L1TD1: variants seen among roughly 807,000 people sequenced by gnomAD.
The protein encoded by L1TD1 is LINE-1 type transposase domain-containing protein 1.
In L1TD1, 26 loss-of-function variants were observed where a neutral mutation model predicts 25.7. That is an observed-to-expected ratio of 1.01 (90% CI 0.74 to 1.40). The LOEUF is 1.40. Ranked by LOEUF, L1TD1 falls within the 40% of genes most tolerant of loss-of-function variation. The probability of loss-of-function intolerance (pLI) is 0.00; values close to 1 mark genes in which losing one functional copy is unlikely to be tolerated. For missense variants in L1TD1, 1,130 were observed against 975.0 expected, an observed-to-expected ratio of 1.16 and a Z score of -2.12; for synonymous variants, 421 against 335.6, an observed-to-expected ratio of 1.25 and a Z score of -2.78.
intron 2 of L1TD1, among the ~76,000 whole-genome samples, chr1:62,204,353 A>T (rs148643524): frequency 1.8e-3 from 267 of 152,270 alleles, no homozygotes; most frequent in African/African-American, 6.2e-3. Flanking sequence ...TCCTCAAAGC[A>T]CCACTTTAGC....
Position 62,211,100 on chromosome 1 carries a change from GCTT to G in L1TD1, c.2329_2331del (p.Ser777del). The G allele has an allele frequency of 6.5e-7, 1 of 1,550,238 alleles. No individual in the cohort carries two copies. The highest frequency in any genetic ancestry group is 8.7e-7 in the Non-Finnish European group (1 of 1,146,684). On this transcript the variant is annotated inframe_deletion, in exon 4 of 4. Coordinates refer to ENST00000498273, the MANE Select transcript of L1TD1 (RefSeq NM_019079.5). ...TAGTGATAAAGAGAAAATAATAAGG[GCTT>G]CTAGAGAGAGAAGAGAAATTACCTA...
chr1:62,199,979 C>G (rs1199333133), intron 2 of L1TD1, among the ~76,000 whole-genome samples: 1 of 152,048 alleles, frequency 6.6e-6, no homozygotes, highest in African/African-American at 2.4e-5. Context: ...TATGTGTTTA[C>G]AAAATTGGAT....
intron 3 of L1TD1, among the ~76,000 whole-genome samples, chr1:62,208,724 ATGCCT>A (rs376419324): frequency 9.6e-4 from 146 of 152,160 alleles, no homozygotes; most frequent in African/African-American, 3.3e-3. Flanking sequence ...AGCAGTCTAC[ATGCCT>A]TGGCCTCCCA....
chr1:62,206,240 G>C (rs1004517932), intron 2 of L1TD1, among the ~76,000 whole-genome samples: 5 of 152,144 alleles, frequency 3.3e-5, no homozygotes, highest in African/African-American at 1.2e-4. Context: ...AGAGAACACA[G>C]ACAACAAAGT....
At chr1:62,198,873 T>C (rs1670591864) in intron 2 of L1TD1, among the ~76,000 whole-genome samples, 1 of 151,956 alleles carries the variant, frequency 6.6e-6, no homozygotes, top group Non-Finnish European at 1.5e-5. Flanking sequence ...GGTCTTGCTC[T>C]GTCACCCAGG....
chr1:62,200,099 TG>T (rs1204022724), intron 2 of L1TD1, among the ~76,000 whole-genome samples: 1 of 152,190 alleles, frequency 6.6e-6, no homozygotes, highest in Non-Finnish European at 1.5e-5. Flanking sequence ...AATTTTTATA[TG>T]TACGTTGAAC....
intron 2 of L1TD1, among the ~76,000 whole-genome samples, chr1:62,197,441 C>T (rs1336762687): frequency 2.5e-5 from 3 of 118,740 alleles, no homozygotes; most frequent in Admixed American, 8.1e-5. Flanking sequence ...ATAGTTTAGT[C>T]CTGCTACTCA....
chr1:62,211,877 A>G lies in L1TD1; in HGVS notation c.*505A>G, dbSNP rs573997820. 6.5e-6 allele frequency: 1 copy of G among 153,194 alleles called. No homozygotes were observed. The highest frequency in any genetic ancestry group is 1.9e-4 in the East Asian group (1 of 5,192). The allele number at this position is 153,194 out of a possible 1,614,324, so 9.5% of individuals were successfully genotyped here. A position where few individuals can be genotyped will look rare whatever the true frequency, so the allele number is the denominator to read the frequency against. On this transcript the variant is annotated 3_prime_UTR_variant, in exon 4 of 4. Transcript: ENST00000498273. ...CTACTTGGGAGGCTGAGGCAGGAGA[A>G]TGGCGTGAACCCAGGAGGCGGAGCT...
At position 62,207,202 on chromosome 1, in the gene L1TD1, T is replaced by C. The variant is rs1328464733; in HGVS notation, c.574T>C (p.Leu192=). Residue 192 remains leucine (L), a synonymous_variant, in exon 3 of 4, where the codon TTA becomes CTA. Transcript: ENST00000498273. ...CAGAGATGGAAATCGCAATGTCCAT[T>C]TAGAATTTACAGAAAGAGAGAGTAG... is the stretch of plus-strand genomic sequence containing the variant. The part of the protein sequence containing the change: ...DDRDGNRNVH[L]EFTERESRKD... The C allele has an allele frequency of 1.3e-6, 2 of 1,551,972 alleles. No homozygotes were observed. The highest frequency in any genetic ancestry group is 2.7e-5 in the African/African-American group (2 of 73,156).
Position 62,210,347 on chromosome 1 carries a change from A to G in L1TD1, c.1573A>G (p.Lys525Glu). 1 of 1,613,876 alleles carries G rather than the reference A, an allele frequency of 6.2e-7. No homozygotes were observed. The highest frequency in any genetic ancestry group is 1.1e-5 in the South Asian group (1 of 91,008). ...VGDSGKKKLV[K>E]HQVVHKTQEE... ...GGACTCTGGGAAGAAAAAGTTGGTG[A>G]AACACCAGGTGGTGCACAAAACCCA... is the stretch of plus-strand genomic sequence containing the variant. Residue 525 changes from lysine to glutamate, a missense_variant, in exon 4 of 4, where the codon AAA becomes GAA. By Grantham distance (56) the Lys-to-Glu change is moderately conservative. Transcript: ENST00000498273.
chr1:62,199,707 T>C (rs1670607032), intron 2 of L1TD1, among the ~76,000 whole-genome samples: 1 of 152,038 alleles, frequency 6.6e-6, no homozygotes, highest in South Asian at 2.1e-4. Context: ...ATTTCGAGTT[T>C]CTCATTGCAC....
At chr1:62,199,640 TTGAG>T (rs1248779791) in intron 2 of L1TD1, among the ~76,000 whole-genome samples, 23 of 152,142 alleles carry the variant, frequency 1.5e-4, no homozygotes, top group African/African-American at 5.1e-4. Flanking sequence ...AGACAGGAGT[TTGAG>T]TGTAGCCTCG....
At position 62,206,648 on chromosome 1, in the gene L1TD1, G is replaced by C. The variant is rs921985226; in HGVS notation, c.20G>C (p.Ser7Thr). The change falls in exon 3 of 4, where the codon AGT becomes ACT. Residue 7 changes from serine (S) to threonine (T), a missense_variant. Physicochemically the swap from Ser to Thr is moderately conservative, Grantham distance 58. Coordinates refer to ENST00000498273, the MANE Select transcript of L1TD1 (RefSeq NM_019079.5). MSDVST[S>T]VQSKFARLAK... Reference sequence around the variant, plus strand: ...TCCACAATGTCTGATGTATCTACTAGTGTACAATCAAAATTTGCTAGACTT... The same window carrying C: ...TCCACAATGTCTGATGTATCTACTACTGTACAATCAAAATTTGCTAGACTT... 8 of 1,544,910 alleles carry C rather than the reference G, an allele frequency of 5.2e-6. No homozygotes were observed. The highest frequency in any genetic ancestry group is 4.4e-6 in the Non-Finnish European group (5 of 1,144,888).
At position 62,207,138 on chromosome 1, in the gene L1TD1, C is replaced by T. The variant is rs781240674; in HGVS notation, c.510C>T (p.Val170=). The change falls in exon 3 of 4, where the codon GTC becomes GTT. Residue 170 remains valine, a synonymous_variant. Coordinates refer to ENST00000498273, the MANE Select transcript of L1TD1 (RefSeq NM_019079.5). ...LPQGESRSYE[V]MGSMEETLCN... is the part of the protein sequence containing the mutation. ...AGGGTGAATCACGAAGTTACGAAGT[C>T]ATGGGAAGTATGGAAGAAACCTTAT... is the stretch of plus-strand genomic sequence containing the variant. 1.3e-6 allele frequency: 2 copies of T among 1,579,172 alleles called. No individual in the cohort carries two copies. The highest frequency in any genetic ancestry group is 2.7e-5 in the African/African-American group (2 of 74,148).
intron 1 of L1TD1, 141 bp downstream of exon 1, chr1:62,195,062 TG>T (rs1670506012): frequency 6.6e-6 from 1 of 151,010 alleles, no homozygotes; most frequent in East Asian, 2.0e-4. Context: ...TCCAGGGGCG[TG>T]GGGTCCGGGG....
intron 2 of L1TD1, among the ~76,000 whole-genome samples, chr1:62,199,981 A>G (rs566570434): frequency 2.6e-5 from 4 of 152,152 alleles, no homozygotes; most frequent in Non-Finnish European, 5.9e-5. Flanking sequence ...TGTGTTTACA[A>G]AATTGGATTG....
In L1TD1 at chr1:62,205,192, CAA is replaced by C. The variant is rs112608532; in HGVS notation, c.-110-1319_-110-1318del. Reference sequence around the variant, plus strand: ...TGAAACCTCGTCTCCACTAAAAATACAAAAAAAAATTACCTGGCACCTGTAAT... The same window carrying C: ...TGAAACCTCGTCTCCACTAAAAATACAAAAAAATTACCTGGCACCTGTAAT... On this transcript the variant is annotated intron_variant, in intron 2 of 3. Transcript: ENST00000498273. 9.3e-4 allele frequency among the ~76,000 whole-genome samples: 139 copies of C among 149,238 alleles called. No individual in the cohort carries two copies. The Middle Eastern group carries it at 0.017, about 19-fold the overall frequency.
rs1163640848 is a variant in L1TD1 at position 62,209,946 on chromosome 1, C to T, written c.1172C>T (p.Ala391Val). Reference sequence around the variant, plus strand: ...GAGCTAGAGGAGCTGGATGAAGAGGCCTCAGGGATGGAGGATGATGAAGAT... The same window carrying T: ...GAGCTAGAGGAGCTGGATGAAGAGGTCTCAGGGATGGAGGATGATGAAGAT... ...FSELEELDEEASGMEDDEDTS... is the reference protein window; with the variant it reads ...FSELEELDEEVSGMEDDEDTS... The change falls in exon 4 of 4, where the codon GCC becomes GTC. Residue 391 changes from alanine (A) to valine (V), a missense_variant. Ala to Val is a moderately conservative substitution (Grantham distance 64). Coordinates refer to ENST00000498273, the MANE Select transcript of L1TD1 (RefSeq NM_019079.5). 1 of 1,611,682 alleles carries T rather than the reference C, an allele frequency of 6.2e-7. No homozygotes were observed. Among genetic ancestry groups the T allele is most frequent in the Non-Finnish European group, 8.5e-7 (1 of 1,178,700 alleles).
chr1:62,195,909 C>T (rs1218392560), intron 1 of L1TD1, among the ~76,000 whole-genome samples: 1 of 149,596 alleles, frequency 6.7e-6, no homozygotes, highest in Non-Finnish European at 1.5e-5. Flanking sequence ...TGTTGGCTCG[C>T]GCCTGTAGTC....
Sources: gnomAD v4.1 joint callset for allele counts (sites outside exome capture counted in the v4.1 genomes callset) on GRCh38, gnomAD v4.1.1 for gene constraint, MANE v1.5 for transcripts, NCBI Gene and HGNC (gene_info 2026-07-23, HGNC 2026-07-21) for gene names.